Variants in SNRPN observed in about 807,000 individuals in gnomAD.
The protein encoded by SNRPN is small nuclear ribonucleoprotein polypeptide N.
In SNRPN, 7 loss-of-function variants were observed where a neutral mutation model predicts 25.2. The observed-to-expected ratio is 0.28, with a 90% CI of 0.16 to 0.52. SNRPN has a LOEUF of 0.52. Among genes scored for constraint, SNRPN ranks in the 20% least tolerant of loss-of-function variants. The pLI, the probability that SNRPN is intolerant of heterozygous loss-of-function variation, is 0.96. For missense variants in SNRPN, 196 were observed against 322.5 expected (o/e 0.61, Z 3.00); for synonymous variants, 124 against 110.6 (o/e 1.12, Z -0.76).
chr15:24,938,155 G>T (rs1394125093), intron 3 of SNRPN, among the ~76,000 whole-genome samples: 1 of 147,182 alleles, frequency 6.8e-6, no homozygotes, highest in African/African-American at 2.5e-5. Context: ...CTTTCGCCCA[G>T]GCTGGAGTCC....
chr15:24,828,379 G>A (rs922070899), intron 1 of SNRPN, among the ~76,000 whole-genome samples: 14 of 151,994 alleles, frequency 9.2e-5, no homozygotes, highest in Non-Finnish European at 1.6e-4. Context: ...ACAAGATCAC[G>A]CATGTGCCCT....
At chr15:24,875,472 G>T (rs1481614838) in intron 1 of SNRPN, among the ~76,000 whole-genome samples, 1 of 152,118 alleles carries the variant, frequency 6.6e-6, no homozygotes, top group Non-Finnish European at 1.5e-5. Context: ...TTTAAGTTCA[G>T]GTCAATGAAC....
intron 2 of SNRPN, chr15:24,920,004 A>G (rs2059940872): frequency 6.6e-6 from 1 of 152,108 alleles, no homozygotes; most frequent in African/African-American, 2.4e-5. Context: ...ACAATTCTCA[A>G]CCTCAGCATA....
At chr15:24,893,715 C>G (rs60558726) in intron 2 of SNRPN, among the ~76,000 whole-genome samples, 1,555 of 152,002 alleles carry the variant, frequency 0.01, 29 homozygotes, top group African/African-American at 0.036. Flanking sequence ...AAAATGTACC[C>G]GTTACAAGTG....
At chr15:24,848,213 G>GGGGGGCGGGGGCGTCGGC (rs2052385536) in intron 2 of SNRPN, 1 of 110,888 alleles carries the variant, frequency 9.0e-6, no homozygotes, top group Admixed American at 9.3e-5. Flanking sequence ...GGACGGAGCT[G>GGGGGGCGGGGGCGTCGGC]GGGGGCGGGG....
upstream of SNRPN, chr15:24,954,894 A>G: frequency 8.9e-7 from 1 of 1,124,304 alleles, no homozygotes; most frequent in South Asian, 1.4e-5. Flanking sequence ...CACTGCGGCA[A>G]ACAAGCACGC....
intron 2 of SNRPN, among the ~76,000 whole-genome samples, chr15:24,841,138 C>T (rs948670405): frequency 2.6e-5 from 4 of 152,084 alleles, no homozygotes; most frequent in Non-Finnish European, 5.9e-5. Flanking sequence ...CACGGCCAGC[C>T]GGTTGTCACA....
intron 3 of SNRPN, among the ~76,000 whole-genome samples, chr15:24,935,843 G>A (rs985495112): frequency 6.6e-6 from 1 of 152,156 alleles, no homozygotes; most frequent in African/African-American, 2.4e-5. Context: ...CATGGGCTGG[G>A]TGCGGTGGCT....
chr15:24,955,546 C>T (rs575714635), intron 1 of SNRPN, among the ~76,000 whole-genome samples: 33 of 143,378 alleles, frequency 2.3e-4, no homozygotes, highest in African/African-American at 8.0e-4. Flanking sequence ...GGGTGTTGAG[C>T]GCAGGTAGGT....
chr15:24,899,240 A>G (rs1238256854), intron 2 of SNRPN, among the ~76,000 whole-genome samples: 2 of 152,332 alleles, frequency 1.3e-5, no homozygotes, highest in African/African-American at 4.8e-5. Flanking sequence ...TCTGTTTAAA[A>G]TATTGTAAAT....
At chr15:24,898,159 G>T (rs1266075625) in intron 2 of SNRPN, among the ~76,000 whole-genome samples, 1 of 151,372 alleles carries the variant, frequency 6.6e-6, no homozygotes, top group Admixed American at 6.6e-5. Flanking sequence ...AGAAGCACTT[G>T]GAAAAAAAAC....
At chr15:24,897,358 G>A (rs912284720) in intron 2 of SNRPN, among the ~76,000 whole-genome samples, 1 of 152,116 alleles carries the variant, frequency 6.6e-6, no homozygotes, top group East Asian at 1.9e-4. Context: ...AAACCAAGGT[G>A]GGGGGAATCA....
intron 2 of SNRPN, among the ~76,000 whole-genome samples, 170 bp from the exon 3 acceptor site, chr15:24,967,762 T>G (rs2075861329): frequency 6.8e-6 from 1 of 147,332 alleles, no homozygotes; most frequent in African/African-American, 2.5e-5. Flanking sequence ...GAGCAGAAAT[T>G]GCTTCATTGC....
chr15:24,976,367 G>C lies in SNRPN; in HGVS notation c.218G>C (p.Arg73Pro). 1 of 1,613,362 alleles carries C rather than the reference G, an allele frequency of 6.2e-7. No homozygotes were observed. Among genetic ancestry groups the C allele is most frequent in the African/African-American group, 1.3e-5 (1 of 74,998 alleles). Residue 73 changes from arginine (R) to proline (P), a missense_variant, in exon 6 of 10, where the codon CGT (arginine) becomes CCT (proline). Arg to Pro is a moderately radical substitution (Grantham distance 103). Coordinates refer to ENST00000390687, the MANE Select transcript of SNRPN (RefSeq NM_003097.6). ...CGGGTTTTGGGTCTGGTGTTGCTGC[G>C]TGGGGAGAACTTGGTATCCATGACT... ...EKRVLGLVLL[R>P]GENLVSMTVE...
intron 3 of SNRPN, among the ~76,000 whole-genome samples, chr15:24,928,516 T>C (rs930846803): frequency 6.6e-6 from 1 of 151,908 alleles, no homozygotes; most frequent in African/African-American, 2.4e-5. Context: ...CTCATAGAAG[T>C]AGAGAGTAGA....
rs1473949602 is a variant in SNRPN at position 24,959,974 on chromosome 15, A to G, written c.-390-2140A>G. On this transcript the variant is annotated intron_variant, in intron 1 of 9. Coordinates refer to ENST00000390687, the MANE Select transcript of SNRPN (RefSeq NM_003097.6). ...GAAGGCTGCAGGTATAATAGAAAGA[A>G]CATGAACTGTCTGGGCATGGTGGCT... Among the ~76,000 whole-genome samples, 4 of 152,136 alleles carry G rather than the reference A, an allele frequency of 2.6e-5. No homozygotes were observed. In the East Asian group the frequency reaches 7.7e-4, roughly 29 times the overall value.
chr15:24,944,834 A>G (rs1001780596), intron 3 of SNRPN, among the ~76,000 whole-genome samples: 7 of 152,136 alleles, frequency 4.6e-5, no homozygotes, highest in Non-Finnish European at 1.0e-4. Context: ...AGAGCAGGCT[A>G]TGGATTCAGG....
At chr15:24,868,318 G>C (rs1203069793) in intron 1 of SNRPN, among the ~76,000 whole-genome samples, 3 of 152,100 alleles carry the variant, frequency 2.0e-5, no homozygotes, top group African/African-American at 7.2e-5. Context: ...TTAGGGACTG[G>C]CTATTGGATT....
At chr15:24,906,657 A>G (rs899496344) in intron 2 of SNRPN, among the ~76,000 whole-genome samples, 2 of 152,128 alleles carry the variant, frequency 1.3e-5, no homozygotes, top group Admixed American at 6.6e-5. Context: ...GAAGAGGTCA[A>G]AGACTGTGCT....
Sources: allele counts gnomAD v4.1 joint callset (sites outside exome capture counted in the v4.1 genomes callset), GRCh38; gene constraint gnomAD v4.1.1; transcripts MANE v1.5; gene names NCBI Gene and HGNC (gene_info 2026-07-23, HGNC 2026-07-21).